Variants in EPB41 observed in about 807,000 individuals in gnomAD.
EPB41 encodes the protein erythrocyte membrane protein band 4.1, also known as protein 4.1.
EPB41 carries 65 observed loss-of-function variants against 108.0 expected under a neutral mutation model. The ratio of observed to expected loss-of-function variants is 0.60; its 90% CI spans 0.49 to 0.74. The LOEUF is 0.74. EPB41 is among the 30% of genes least tolerant of loss of function. The pLI, the probability that EPB41 is intolerant of heterozygous loss-of-function variation, is 0.00. For synonymous variants in EPB41, 336 were observed against 358.9 expected, an observed-to-expected ratio of 0.94 and a Z score of 0.72; for missense variants, 875 against 1,037.0, an observed-to-expected ratio of 0.84 and a Z score of 2.15.
chr1:28,943,090 A>G (rs765404790), intron 1 of EPB41, among the ~76,000 whole-genome samples: 4 of 152,246 alleles, frequency 2.6e-5, no homozygotes, highest in Non-Finnish European at 4.4e-5. Flanking sequence ...AATAAAAGAT[A>G]TAAGAAAAAG....
At chr1:29,106,560 T>G (rs1667212164) in intron 17 of EPB41, among the ~76,000 whole-genome samples, 1 of 130,282 alleles carries the variant, frequency 7.7e-6, no homozygotes, top group Non-Finnish European at 1.6e-5. Flanking sequence ...CCCGAGTAGC[T>G]GGGATTTTTT....
At position 28,960,830 on chromosome 1, in the gene EPB41, C is replaced by A. The variant is rs536990280; in HGVS notation, c.-7-26601C>A. 2.6e-5 allele frequency among the ~76,000 whole-genome samples: 4 copies of A among 151,996 alleles called. No homozygotes were observed. In the South Asian group the frequency reaches 8.3e-4, roughly 32 times the overall value. On this transcript the variant is annotated intron_variant, in intron 1 of 20. Transcript: ENST00000343067. The stretch of plus-strand genomic sequence containing the variant: ...GGTGGATCACCTGAGGTGAGGAGTT[C>A]AAGACCAGCCTGGCCAACATGGTGA...
chr1:28,993,583 G>A (rs745361398), intron 3 of EPB41, 41 bp downstream of exon 3: 1 of 1,591,672 alleles, frequency 6.3e-7, no homozygotes, highest in East Asian at 2.2e-5. Flanking sequence ...ACTCTTACAG[G>A]TGGTTTCATC....
At chr1:28,932,549 T>A (rs925827637) in intron 1 of EPB41, among the ~76,000 whole-genome samples, 2 of 151,970 alleles carry the variant, frequency 1.3e-5, no homozygotes, top group Admixed American at 1.3e-4. Context: ...ATAATTCATG[T>A]TATTGTTAAT....
chr1:28,937,434 G>T (rs971630303), intron 1 of EPB41, among the ~76,000 whole-genome samples: 1 of 151,778 alleles, frequency 6.6e-6, no homozygotes, highest in Non-Finnish European at 1.5e-5. Context: ...CGCTCTTGTC[G>T]CCCAGGCTGG....
At chr1:29,032,097 T>TAAAAAAA (rs76135314) in intron 8 of EPB41, among the ~76,000 whole-genome samples, 2 of 128,054 alleles carry the variant, frequency 1.6e-5, no homozygotes, top group African/African-American at 2.9e-5. Context: ...GACTCTGTCT[T>TAAAAAAA]AAAAAAAAAA....
Position 29,018,204 on chromosome 1 carries a change from T to G in EPB41, c.906-20T>G. On this transcript the variant is annotated intron_variant, in intron 6 of 20. Coordinates refer to ENST00000343067, the MANE Select transcript of EPB41 (RefSeq NM_001376013.1). The surrounding 1 kb of genome is among the most constrained non-coding windows in gnomAD (Gnocchi z 4.4). ...TGTTGTTGTTGTTGCTGACATAACA[T>G]TTTTCTCTTTTGGCTGTAGATATTA... is the stretch of plus-strand genomic sequence containing the variant. The G allele has an allele frequency of 1.2e-6, 2 of 1,609,830 alleles. No individual in the cohort carries two copies. The highest frequency in any genetic ancestry group is 1.7e-6 in the Non-Finnish European group (2 of 1,176,220).
rs759809009 is a variant in EPB41 at position 29,053,262 on chromosome 1, G to A, written c.1795G>A (p.Glu599Lys). The change falls in exon 12 of 21, where the codon GAA becomes AAA. Residue 599 changes from glutamate to lysine, a missense_variant. By Grantham distance (56) the Glu-to-Lys change is moderately conservative. Transcript: ENST00000343067. ...AACAGTGAAGGCTGAAGTGAAAAAG[G>A]AAGACGAGCCACCTGAGCAAGCTGA... Reference protein sequence around the residue: ...KETVKAEVKKEDEPPEQAEPE... With the variant: ...KETVKAEVKKKDEPPEQAEPE... 2 of 1,614,172 alleles carry A rather than the reference G, an allele frequency of 1.2e-6. No individual in the cohort carries two copies. Among genetic ancestry groups the A allele is most frequent in the East Asian group, 2.2e-5 (1 of 44,886 alleles).
At chr1:28,894,731 A>C (rs1421151900) in intron 1 of EPB41, among the ~76,000 whole-genome samples, 2 of 152,158 alleles carry the variant, frequency 1.3e-5, no homozygotes, top group Admixed American at 6.5e-5. Context: ...TGGAGACCTC[A>C]TCTGTGATGT....
At chr1:28,917,313 C>T (rs1287602185) in intron 1 of EPB41, among the ~76,000 whole-genome samples, 2 of 150,016 alleles carry the variant, frequency 1.3e-5, no homozygotes, top group African/African-American at 4.9e-5. Context: ...TGGAGTCTTA[C>T]TCTGTCACAC....
intron 18 of EPB41, among the ~76,000 whole-genome samples, chr1:29,112,136 C>T (rs575570290): frequency 1.4e-4 from 22 of 152,062 alleles, no homozygotes; most frequent in Middle Eastern, 3.4e-3. Context: ...GTGGAGCTTT[C>T]GGAATAATCT....
chr1:28,914,694 G>A lies in EPB41; in HGVS notation c.-82G>A, dbSNP rs1364336406. 1.3e-5 allele frequency: 2 copies of A among 152,256 alleles called. No homozygotes were observed. The highest frequency in any genetic ancestry group is 1.9e-4 in the South Asian group (1 of 5,168). 9.4% of individuals were successfully genotyped at this position (152,256 alleles called of 1,614,324 possible). A position where few individuals can be genotyped will look rare whatever the true frequency, so the allele number is the denominator to read the frequency against. ...GCCGCAGAGGGCCCGAGCCTCGGAC[G>A]CCGGCGCCTCCTCCTGCCATTGTTC... On this transcript the variant is annotated 5_prime_UTR_variant, in exon 1 of 21. Coordinates refer to ENST00000343067, the MANE Select transcript of EPB41 (RefSeq NM_001376013.1).
In EPB41 at chr1:28,997,795, G is replaced by A. The variant is rs143260236; in HGVS notation, c.786+476G>A. On this transcript the variant is annotated intron_variant, in intron 4 of 20. Transcript: ENST00000343067. ...AATAAAATCCCAATATTATTGAAAC[G>A]GTCATAACGATGAATCTGACATTTC... Among the ~76,000 whole-genome samples, 192 of 151,914 alleles carry A rather than the reference G, an allele frequency of 1.3e-3. 1 individual carries two copies. The highest frequency in any genetic ancestry group is 2.2e-3 in the Non-Finnish European group (147 of 67,954).
At chr1:29,006,398 G>A (rs994534223) in intron 4 of EPB41, among the ~76,000 whole-genome samples, 34 of 151,712 alleles carry the variant, frequency 2.2e-4, no homozygotes, top group Non-Finnish European at 4.4e-4. Context: ...CACCCAGCCC[G>A]TCTAATTTTT....
intron 1 of EPB41, among the ~76,000 whole-genome samples, chr1:28,934,666 T>TTGTGTGTGTGTGTG (rs1204147204): frequency 0.025 from 3,374 of 136,294 alleles, 69 homozygotes; most frequent in Non-Finnish European, 0.03. Context: ...TCTTTTGACA[T>TTGTGTGTGTGTGTG]TGTGTGTGTG....
At chr1:28,912,407 G>A (rs1008193833), upstream of EPB41, among the ~76,000 whole-genome samples, 1 of 152,042 alleles carries the variant, frequency 6.6e-6, no homozygotes, top group African/African-American at 2.4e-5. Flanking sequence ...GTTTTATGAT[G>A]TTTCAAATGG....
At chr1:28,906,060 C>G (rs1195884102) in intron 1 of EPB41, among the ~76,000 whole-genome samples, 4 of 152,112 alleles carry the variant, frequency 2.6e-5, no homozygotes, top group Non-Finnish European at 4.4e-5. Context: ...CTCAACTGAT[C>G]CACCTCCCTC....
intron 1 of EPB41, among the ~76,000 whole-genome samples, chr1:28,928,383 G>T (rs2093568017): frequency 6.6e-6 from 1 of 152,114 alleles, no homozygotes; most frequent in Non-Finnish European, 1.5e-5. Context: ...CTTCTTTCAT[G>T]TGATCAACAC....
chr1:28,942,566 C>T (rs184526607), intron 1 of EPB41, among the ~76,000 whole-genome samples: 28 of 152,362 alleles, frequency 1.8e-4, no homozygotes, highest in Middle Eastern at 6.8e-3. Flanking sequence ...CTACCTTGCC[C>T]TCTCTGGGCA....
Sources: gnomAD v4.1 joint callset for allele counts (sites outside exome capture counted in the v4.1 genomes callset) on GRCh38, gnomAD v4.1.1 for gene constraint, Gnocchi (gnomAD v3.1) non-coding constraint, MANE v1.5 for transcripts, NCBI Gene and HGNC (gene_info 2026-07-23, HGNC 2026-07-21) for gene names.